SFXN5: variants seen among roughly 807,000 people sequenced by gnomAD.
SFXN5 encodes sideroflexin-5.
A neutral mutation model predicts 50.2 loss-of-function variants in SFXN5; 43 were observed. That is an observed-to-expected ratio of 0.86 (90% confidence interval 0.67 to 1.11). The LOEUF is 1.11. Ranked by LOEUF, SFXN5 falls within the 50% of genes least tolerant of loss-of-function variation. The pLI, the probability that SFXN5 is intolerant of heterozygous loss-of-function variation, is 0.00. For synonymous variants in SFXN5, 203 were observed against 185.8 expected, an observed-to-expected ratio of 1.09 and a Z score of -0.75; for missense variants, 463 against 454.1, an observed-to-expected ratio of 1.02 and a Z score of -0.18.
intron 1 of SFXN5, among the ~76,000 whole-genome samples, chr2:73,065,737 G>A (rs10191982): frequency 6.7e-6 from 1 of 149,822 alleles, no homozygotes; most frequent in Non-Finnish European, 1.5e-5. Context: ...GTATTTTTTA[G>A]TAGAGACAGG....
chr2:73,034,083 C>T (rs1678657958), intron 3 of SFXN5, among the ~76,000 whole-genome samples: 1 of 152,158 alleles, frequency 6.6e-6, no homozygotes, highest in African/African-American at 2.4e-5. Flanking sequence ...ACAGAGGAGC[C>T]CAGGTAGTAT....
chr2:73,021,698 A>G (rs1206503837), intron 5 of SFXN5, among the ~76,000 whole-genome samples: 2 of 152,124 alleles, frequency 1.3e-5, no homozygotes, highest in Non-Finnish European at 2.9e-5. Flanking sequence ...CAGCCACCCG[A>G]GGCCTTCCCA....
Position 72,960,398 on chromosome 2 carries a change from C to T in SFXN5, c.945+733G>A, listed in dbSNP as rs190988816. Among the ~76,000 whole-genome samples the T allele has an allele frequency of 2.0e-5, 3 of 152,268 alleles. No individual in the cohort carries two copies. The highest frequency in any genetic ancestry group is 4.4e-5 in the Non-Finnish European group (3 of 68,026). ...GCTCTTCATCGAATCCCGAAGAAGC[C>T]GCCTCCTGACTCCCTCTTTAGGGAC... On this transcript the variant is annotated intron_variant, in intron 13 of 13. Coordinates refer to ENST00000272433, the MANE Select transcript of SFXN5 (RefSeq NM_144579.3). This position sits in a 1 kb window ranked among gnomAD's most constrained non-coding sequence, Gnocchi z 6.1.
chr2:73,035,087 T>C (rs934192494), intron 3 of SFXN5, among the ~76,000 whole-genome samples: 2 of 152,188 alleles, frequency 1.3e-5, no homozygotes, highest in African/African-American at 4.8e-5. Flanking sequence ...ATTGGGTTGA[T>C]ACAGGTACCT....
chr2:72,967,265 G>A (rs1674526758), intron 12 of SFXN5: 1 of 152,204 alleles, frequency 6.6e-6, no homozygotes, highest in African/African-American at 2.4e-5. Flanking sequence ...CAGGAACTGT[G>A]CTAGATGCTG....
intron 2 of SFXN5, among the ~76,000 whole-genome samples, chr2:73,051,790 A>G (rs927071860): frequency 2.0e-5 from 3 of 152,228 alleles, no homozygotes. Flanking sequence ...ACCAGCATTC[A>G]GTGTCTGGTG....
chr2:72,956,366 G>T (rs1165922469), intron 13 of SFXN5, among the ~76,000 whole-genome samples: 2 of 152,210 alleles, frequency 1.3e-5, no homozygotes, highest in Non-Finnish European at 2.9e-5. Context: ...GGTTGGAAAA[G>T]ACATAAACAC....
At chr2:73,024,341 G>A (rs1268883712) in intron 3 of SFXN5, among the ~76,000 whole-genome samples, 1 of 152,096 alleles carries the variant, frequency 6.6e-6, no homozygotes, top group African/African-American at 2.4e-5. Context: ...TCAAATCAAG[G>A]AAACATGGCA....
intron 2 of SFXN5, among the ~76,000 whole-genome samples, chr2:73,046,057 A>AAAAACCATGGCTTCC (rs150924610): frequency 2.6e-5 from 4 of 152,040 alleles, no homozygotes; most frequent in Non-Finnish European, 4.4e-5. Flanking sequence ...CAAGAACTTT[A>AAAAACCATGGCTTCC]AGCCTGGCTA....
chr2:72,989,678 C>A (rs1281318933), intron 9 of SFXN5, among the ~76,000 whole-genome samples: 1 of 151,950 alleles, frequency 6.6e-6, no homozygotes, highest in African/African-American at 2.4e-5. Flanking sequence ...TGGGGCTTTG[C>A]GGAGGAGAGA....
chr2:73,025,284 C>T (rs1331359061), intron 3 of SFXN5, among the ~76,000 whole-genome samples: 3 of 152,286 alleles, frequency 2.0e-5, no homozygotes, highest in South Asian at 2.1e-4. Flanking sequence ...CCTGACACCC[C>T]ACACCCTCCA....
At chr2:73,037,276 C>T (rs1679108855) in intron 3 of SFXN5, among the ~76,000 whole-genome samples, 1 of 152,198 alleles carries the variant, frequency 6.6e-6, no homozygotes, top group Non-Finnish European at 1.5e-5. Context: ...CCCATGGTAT[C>T]ATGTGCTTTC....
At position 72,961,264 on chromosome 2, in the gene SFXN5, G is replaced by A; in HGVS notation, c.828-16C>T. 1 of 1,500,004 alleles carries A rather than the reference G, an allele frequency of 6.7e-7. No individual in the cohort carries two copies. Among genetic ancestry groups the A allele is most frequent in the Non-Finnish European group, 8.8e-7 (1 of 1,132,042 alleles). The allele number at this position is 1,500,004 out of a possible 1,614,324, so 92.9% of individuals were successfully genotyped here. A position where few individuals can be genotyped will look rare whatever the true frequency, so the allele number is the denominator to read the frequency against. The stretch of plus-strand genomic sequence containing the variant: ...GAGAGCCGTCCTGTGAGGGAGAGAG[G>A]AGGGAGCCCCATGAGACCCGAAGGT... On this transcript the variant is annotated splice_polypyrimidine_tract_variant and intron_variant, in intron 12 of 13. Coordinates refer to ENST00000272433, the MANE Select transcript of SFXN5 (RefSeq NM_144579.3). This position sits in a 1 kb window ranked among gnomAD's most constrained non-coding sequence, Gnocchi z 4.4.
At chr2:72,947,145 C>T (rs967509315) in intron 13 of SFXN5, among the ~76,000 whole-genome samples, 10 of 152,244 alleles carry the variant, frequency 6.6e-5, no homozygotes, top group African/African-American at 2.4e-4. Flanking sequence ...TCATACCCCA[C>T]CTCTCCACAT....
rs1456676668 is a variant in SFXN5 at position 73,024,370 on chromosome 2, C to CG, written c.250-1157dup. On this transcript the variant is annotated intron_variant, in intron 3 of 13. Coordinates refer to ENST00000272433, the MANE Select transcript of SFXN5 (RefSeq NM_144579.3). The stretch of plus-strand genomic sequence containing the variant: ...CATGGCAAATAAAAATTTACACTGT[C>CG]GGGGGGCCAGGCACAGTGGCTCACA... Among the ~76,000 whole-genome samples the CG allele has an allele frequency of 2.0e-5, 3 of 152,102 alleles. No homozygotes were observed. The South Asian group carries it at 6.2e-4, about 32-fold the overall frequency.
intron 12 of SFXN5, among the ~76,000 whole-genome samples, chr2:72,965,890 G>A (rs562873747): frequency 1.2e-4 from 19 of 152,158 alleles, no homozygotes; most frequent in Middle Eastern, 3.4e-3. Flanking sequence ...TTCACACCCC[G>A]CCCCCCGCCT....
At chr2:72,977,228 G>A (rs1478708489) in intron 10 of SFXN5, among the ~76,000 whole-genome samples, 3 of 152,312 alleles carry the variant, frequency 2.0e-5, no homozygotes, top group East Asian at 3.9e-4. Flanking sequence ...AACACTGCGG[G>A]AAGCACCCTG....
intron 6 of SFXN5, among the ~76,000 whole-genome samples, chr2:73,010,806 A>G (rs1245049264): frequency 6.6e-6 from 1 of 152,242 alleles, no homozygotes; most frequent in Non-Finnish European, 1.5e-5. Context: ...ATTTGAAATT[A>G]TAATTCCAAG....
chr2:72,966,281 A>T (rs1674391384), intron 12 of SFXN5, among the ~76,000 whole-genome samples: 1 of 152,192 alleles, frequency 6.6e-6, no homozygotes, highest in Non-Finnish European at 1.5e-5. Context: ...GGTACAAGTA[A>T]CAGAGTAAGC....
Sources: allele counts gnomAD v4.1 joint callset (sites outside exome capture counted in the v4.1 genomes callset), GRCh38; gene constraint gnomAD v4.1.1; non-coding constraint Gnocchi (gnomAD v3.1); transcripts MANE v1.5; gene names NCBI Gene and HGNC (gene_info 2026-07-23, HGNC 2026-07-21).